Variants in CCDC73 observed in about 807,000 individuals in gnomAD.
The protein encoded by CCDC73 is coiled-coil domain-containing protein 73.
A neutral mutation model predicts 116.5 loss-of-function variants in CCDC73; 95 were observed. The observed-to-expected ratio is 0.82, with a 90% confidence interval of 0.69 to 0.97. The LOEUF (loss-of-function observed/expected upper bound fraction) is 0.97, where lower values mean the gene tolerates loss of function less well. CCDC73 is among the 50% of genes least tolerant of loss of function. CCDC73 has a pLI of 0.00. For synonymous variants in CCDC73, 398 were observed against 401.3 expected (o/e 0.99, Z 0.10); for missense variants, 1,066 against 1,206.8 (o/e 0.88, Z 1.73).
At chr11:32,800,196 GA>G in the CCDC73 span, among the ~76,000 whole-genome samples, 1 of 152,082 alleles carries the variant, frequency 6.6e-6, no homozygotes, top group Non-Finnish European at 1.5e-5. Flanking sequence ...ATATTAGTAT[GA>G]TGGATTAATC....
rs1485018084 is a variant in CCDC73, at chr11:32,602,944, C to G, written c.3107G>C (p.Gly1036Ala). The change falls in exon 18 of 18, where the codon GGT (glycine) becomes GCT (alanine). Residue 1036 changes from glycine to alanine, a missense_variant. Physicochemically the swap from Gly to Ala is moderately conservative, Grantham distance 60 (BLOSUM62 0). Coordinates refer to ENST00000335185, the MANE Select transcript of CCDC73 (RefSeq NM_001008391.4). ...AATGAGGCTCTGCCAGTCATCATCA[C>G]CAGAAGTATTTTTAGTCGTCTTGAT... is the stretch of plus-strand genomic sequence containing the variant. Reference protein sequence around the residue: ...QAIKTTKNTSGDDDWQSLITN... With the variant: ...QAIKTTKNTSADDDWQSLITN... 3.1e-6 allele frequency: 5 copies of G among 1,613,350 alleles called. No homozygotes were observed. The highest frequency in any genetic ancestry group is 4.2e-6 in the Non-Finnish European group (5 of 1,179,714).
chr11:32,747,480 T>C (rs956593906), intron 2 of CCDC73, among the ~76,000 whole-genome samples: 1 of 152,166 alleles, frequency 6.6e-6, no homozygotes, highest in Admixed American at 6.5e-5. Flanking sequence ...GGCAGGGATG[T>C]TTAAGTCTGG....
chr11:32,743,223 T>C (rs564954113), intron 2 of CCDC73, among the ~76,000 whole-genome samples: 1 of 152,354 alleles, frequency 6.6e-6, no homozygotes, highest in East Asian at 1.9e-4. Flanking sequence ...GGGACAGCAT[T>C]GAATCTATAA....
intron 1 of CCDC73, among the ~76,000 whole-genome samples, chr11:32,769,045 A>T (rs1370178250): frequency 2.0e-5 from 3 of 152,188 alleles, no homozygotes; most frequent in South Asian, 2.1e-4. Flanking sequence ...TCAAAAATTT[A>T]AAAGTTTGAC....
chr11:32,765,808 A>G (rs1850435472), intron 1 of CCDC73, among the ~76,000 whole-genome samples: 1 of 152,236 alleles, frequency 6.6e-6, no homozygotes, highest in Non-Finnish European at 1.5e-5. Flanking sequence ...AATTGAGGCA[A>G]TAATTAAGAG....
chr11:32,830,368 G>C, the CCDC73 span: 1 of 868,284 alleles, frequency 1.2e-6, no homozygotes, highest in Non-Finnish European at 1.6e-6. Context: ...CGCGCGTCGG[G>C]TTCCGGCGAC....
At chr11:32,755,805 A>ATATATATATCTCCATATATATGTGTGTG (rs1565094313) in intron 2 of CCDC73, among the ~76,000 whole-genome samples, 3 of 131,524 alleles carry the variant, frequency 2.3e-5, no homozygotes, top group Admixed American at 8.2e-5. Context: ...ATATGTGTAT[A>ATATATATATCTCCATATATATGTGTGTG]TATATATCTC....
At chr11:32,709,064 T>C (rs989626469) in intron 3 of CCDC73, among the ~76,000 whole-genome samples, 1 of 152,192 alleles carries the variant, frequency 6.6e-6, no homozygotes, top group Non-Finnish European at 1.5e-5. Context: ...TTTATTACCT[T>C]AAGGTATGTC....
chr11:32,613,313 AAAATAAGACG>A, intron 16 of CCDC73, 99 bp downstream of exon 16: 1 of 922,796 alleles, frequency 1.1e-6, no homozygotes, highest in African/African-American at 1.7e-5. Flanking sequence ...TTCCTAATTT[AAAATAAGACG>A]AACTTTTAAA....
At chr11:32,639,528 C>T (rs963441835) in intron 13 of CCDC73, among the ~76,000 whole-genome samples, 2 of 151,934 alleles carry the variant, frequency 1.3e-5, no homozygotes, top group African/African-American at 4.8e-5. Context: ...CGGCTCACTG[C>T]AACCTCCACC....
At chr11:32,636,143 A>G (rs1289373286) in intron 13 of CCDC73, among the ~76,000 whole-genome samples, 1 of 152,190 alleles carries the variant, frequency 6.6e-6, no homozygotes, top group East Asian at 1.9e-4. Flanking sequence ...TTAATTCCAA[A>G]GCTAAATCTG....
At chr11:32,631,857 T>C (rs201849) in intron 14 of CCDC73, among the ~76,000 whole-genome samples, 54,056 of 151,790 alleles carry the variant, frequency 0.36, 9,876 homozygotes, top group African/African-American at 0.42. Flanking sequence ...AATAGACATA[T>C]AGGCAGGCAG....
intron 6 of CCDC73, among the ~76,000 whole-genome samples, chr11:32,686,756 C>G (rs1856205556): frequency 1.3e-5 from 2 of 152,166 alleles, no homozygotes; most frequent in Admixed American, 1.3e-4. Flanking sequence ...GAGCATTGCC[C>G]AACTAATAAA....
intron 9 of CCDC73, among the ~76,000 whole-genome samples, chr11:32,660,364 T>G (rs1855912249): frequency 6.6e-6 from 1 of 150,946 alleles, no homozygotes; most frequent in Admixed American, 6.6e-5. Context: ...CAGGTATAGC[T>G]CCAGGATTCT....
chr11:32,741,368 A>AT (rs1724806199), intron 2 of CCDC73, among the ~76,000 whole-genome samples: 1 of 152,068 alleles, frequency 6.6e-6, no homozygotes, highest in Non-Finnish European at 1.5e-5. Context: ...TAATGCATAT[A>AT]TTTTTACAAC....
At chr11:32,826,882 A>C in the CCDC73 span, among the ~76,000 whole-genome samples, 1 of 152,104 alleles carries the variant, frequency 6.6e-6, no homozygotes, top group Non-Finnish European at 1.5e-5. Flanking sequence ...AATTATTGAG[A>C]TGGAGTTTCA....
rs745361994 is a variant in CCDC73, at chr11:32,614,741, T to C, written c.1577A>G (p.Asn526Ser). 9.3e-6 allele frequency: 15 copies of C among 1,612,870 alleles called. No homozygotes were observed. The South Asian group carries it at 9.9e-5, about 11-fold the overall frequency. The change falls in exon 16 of 18, where the codon AAT becomes AGT. Residue 526 changes from asparagine (N) to serine (S), a missense_variant. Transcript: ENST00000335185. ...IKDKICLEKD[N>S]GCTEFKSPNN... ...TGGTGATTTAAATTCTGTACATCCA[T>C]TGTCTTTTTCCAAGCATATCTTGTC... is the stretch of plus-strand genomic sequence containing the variant.
At chr11:32,731,685 G>C (rs549750086) in intron 2 of CCDC73, among the ~76,000 whole-genome samples, 13 of 152,312 alleles carry the variant, frequency 8.5e-5, no homozygotes, top group Non-Finnish European at 1.8e-4. Context: ...AACTCCAACA[G>C]ACCTGCAGCT....
chr11:32,749,467 T>C (rs149935458), intron 2 of CCDC73, among the ~76,000 whole-genome samples: 13 of 152,278 alleles, frequency 8.5e-5, no homozygotes, highest in African/African-American at 2.9e-4. Flanking sequence ...TCAAAACAGC[T>C]ATTTTGACTT....
Sources: gnomAD v4.1 joint callset for allele counts (sites outside exome capture counted in the v4.1 genomes callset) on GRCh38, gnomAD v4.1.1 for gene constraint, MANE v1.5 for transcripts, NCBI Gene and HGNC (gene_info 2026-07-23, HGNC 2026-07-21) for gene names.